The following HPS4 variants were observed in gnomAD, a reference collection of about 807,000 sequenced individuals.
HPS4 encodes the protein HPS4 biogenesis of lysosomal organelles complex 3 subunit 2.
In HPS4, 44 loss-of-function variants were observed where a neutral mutation model predicts 70.3. The observed-to-expected ratio is 0.63, with a 90% CI of 0.49 to 0.80. The LOEUF (loss-of-function observed/expected upper bound fraction) is 0.80. Among genes scored for constraint, HPS4 ranks in the 30% least tolerant of loss-of-function variants. The probability of loss-of-function intolerance (pLI) is 0.00; values close to 1 mark genes in which losing one functional copy is unlikely to be tolerated. For missense variants in HPS4, 873 were observed against 884.4 expected (o/e 0.99, Z 0.16); for synonymous variants, 377 against 355.9 (o/e 1.06, Z -0.67).
At chr22:26,473,104 A>G (rs2090067097) in intron 4 of HPS4, among the ~76,000 whole-genome samples, 165 bp from the exon 5 acceptor site, 1 of 152,200 alleles carries the variant, frequency 6.6e-6, no homozygotes, top group African/African-American at 2.4e-5. Context: ...GTTAATCTCC[A>G]TGGACAAGTA....
At chr22:26,472,108 A>G (rs868069052) in intron 6 of HPS4, among the ~76,000 whole-genome samples, 194 bp downstream of exon 6, 1 of 152,228 alleles carries the variant, frequency 6.6e-6, no homozygotes, top group African/African-American at 2.4e-5. Flanking sequence ...AAACAGTTCA[A>G]GAAGGCAGGT....
At chr22:26,467,740 G>A (rs2088941950) in intron 8 of HPS4, 1 of 152,150 alleles carries the variant, frequency 6.6e-6, no homozygotes, top group African/African-American at 2.4e-5. Context: ...AAAAGGACTG[G>A]AAGGAGATAT....
intron 2 of HPS4, 27 bp from the exon 3 acceptor site, chr22:26,479,382 G>A: frequency 6.2e-7 from 1 of 1,612,306 alleles, no homozygotes. Flanking sequence ...GTGGAGCCAT[G>A]TTTCCTTTAA....
intron 11 of HPS4, among the ~76,000 whole-genome samples, chr22:26,461,153 C>T (rs1428432190): frequency 6.6e-6 from 1 of 152,224 alleles, no homozygotes; most frequent in African/African-American, 2.4e-5. Flanking sequence ...TGTGACACAG[C>T]GTGCAGCAGG....
intron 13 of HPS4, among the ~76,000 whole-genome samples, chr22:26,455,495 C>G (rs537994554): frequency 6.8e-6 from 1 of 147,966 alleles, no homozygotes; most frequent in African/African-American, 2.5e-5. Flanking sequence ...AAAAACCAAA[C>G]ACCACATGTT....
At chr22:26,458,804 G>C (rs1265573335) in intron 11 of HPS4, among the ~76,000 whole-genome samples, 1 of 149,324 alleles carries the variant, frequency 6.7e-6, no homozygotes, top group Non-Finnish European at 1.5e-5. Flanking sequence ...CTGGGTGATA[G>C]AGTGAGACTC....
chr22:26,465,417 G>T, intron 10 of HPS4, 38 bp downstream of exon 10: 2 of 1,428,460 alleles, frequency 1.4e-6, no homozygotes, highest in Non-Finnish European at 2.0e-6. Flanking sequence ...GGGTCCCTCA[G>T]GTGTGGTGCA....
chr22:26,450,684 T>C (rs753376383), downstream of HPS4, among the ~76,000 whole-genome samples: 1 of 152,142 alleles, frequency 6.6e-6, no homozygotes, highest in Non-Finnish European at 1.5e-5. Flanking sequence ...GAATTATGGG[T>C]GTGGTTACTT....
chr22:26,456,056 G>T (rs973360337), intron 13 of HPS4, among the ~76,000 whole-genome samples: 1 of 152,204 alleles, frequency 6.6e-6, no homozygotes, highest in Non-Finnish European at 1.5e-5. Context: ...CTGACAGAAA[G>T]ATCTATTGGA....
At position 26,464,509 on chromosome 22, in the gene HPS4, A is replaced by G; in HGVS notation, c.1121T>C (p.Ile374Thr). The part of the protein sequence containing the change: ...QEELDLSEIH[I>T]PEAQEVEMAS... ...CATTTCCACTTCCTGAGCCTCTGGA[A>G]TGTGGATTTCAGACAAGTCGAGTTC... is the stretch of plus-strand genomic sequence containing the variant. The change falls in exon 11 of 14, where the codon ATT becomes ACT. Residue 374 changes from isoleucine (I) to threonine (T), a missense_variant. Physicochemically the swap from Ile to Thr is moderately conservative, Grantham distance 89. Coordinates refer to ENST00000398145, the MANE Select transcript of HPS4 (RefSeq NM_022081.6). The G allele has an allele frequency of 6.2e-7, 1 of 1,614,198 alleles. No homozygotes were observed. The highest frequency in any genetic ancestry group is 8.5e-7 in the Non-Finnish European group (1 of 1,180,030).
intron 3 of HPS4, among the ~76,000 whole-genome samples, chr22:26,477,719 C>T (rs1476460182): frequency 6.6e-6 from 1 of 152,146 alleles, no homozygotes; most frequent in Admixed American, 6.5e-5. Flanking sequence ...TTGAACCTCA[C>T]CAAGACTCTA....
At chr22:26,483,279 C>G (rs1436264830) in intron 1 of HPS4, among the ~76,000 whole-genome samples, 1 of 152,208 alleles carries the variant, frequency 6.6e-6, no homozygotes, top group Non-Finnish European at 1.5e-5. Flanking sequence ...CCGAGGTCCT[C>G]TCTTATCTCT....
rs761403871 is a variant in HPS4, at chr22:26,464,390, G to T, written c.1240C>A (p.Pro414Thr). Residue 414 changes from proline (P) to threonine (T), a missense_variant, in exon 11 of 14, where the codon CCC (proline) becomes ACC (threonine). Physicochemically the swap from Pro to Thr is conservative, Grantham distance 38. Transcript: ENST00000398145. ...ASLSASSSLEPTPPEDTAISS... is the reference protein window; with the variant it reads ...ASLSASSSLETTPPEDTAISS... ...ATGGCTGTGTCCTCAGGAGGCGTGGGTTCCAGGCTGCTGGAGGCGCTGAGA... is the reference window on the plus strand; with the variant it reads ...ATGGCTGTGTCCTCAGGAGGCGTGGTTTCCAGGCTGCTGGAGGCGCTGAGA... The T allele has an allele frequency of 6.2e-7, 1 of 1,614,200 alleles. No homozygotes were observed. Among genetic ancestry groups the T allele is most frequent in the Admixed American group, 1.7e-5 (1 of 60,020 alleles).
At chr22:26,480,326 C>T (rs1157156901) in intron 2 of HPS4, among the ~76,000 whole-genome samples, 1 of 152,134 alleles carries the variant, frequency 6.6e-6, no homozygotes, top group Non-Finnish European at 1.5e-5. Flanking sequence ...AGTGTGCCAT[C>T]ATGCTCGGCT....
In HPS4 at chr22:26,464,230, C is replaced by A; in HGVS notation, c.1400G>T (p.Arg467Met). Residue 467 changes from arginine (R) to methionine (M), a missense_variant, in exon 11 of 14, where the codon AGG becomes ATG. Transcript: ENST00000398145. ...RADPLPRRTR[R>M]PLLLPRLDPG... ...ATCTAAGCGAGGCAATAACAAGGGCCTGCGGGTCCTTCTGGGGAGAGGGTC... is the reference window on the plus strand; with the variant it reads ...ATCTAAGCGAGGCAATAACAAGGGCATGCGGGTCCTTCTGGGGAGAGGGTC... 6.2e-7 allele frequency: 1 copy of A among 1,614,212 alleles called. No individual in the cohort carries two copies. Among genetic ancestry groups the A allele is most frequent in the Non-Finnish European group, 8.5e-7 (1 of 1,180,042 alleles).
In HPS4 at chr22:26,466,236, C is replaced by T. The variant is rs3747132; in HGVS notation, c.696G>A (p.Pro232=). 3.1e-3 allele frequency: 5,069 copies of T among 1,614,168 alleles called. 162 individuals are homozygous for T. In the East Asian group the frequency reaches 0.079, roughly 25 times the overall value. Reference sequence around the variant, plus strand: ...CGCCTCACTACTTACCATGTTCCTGCGGGGCATCCTCTCCCGTAGGGAGTC... The same window carrying T: ...CGCCTCACTACTTACCATGTTCCTGTGGGGCATCCTCTCCCGTAGGGAGTC... ...EQRLPTGEDA[P]QEHGAALPPN... The change falls in exon 9 of 14, where the codon CCG becomes CCA. Residue 232 remains proline, a synonymous_variant. Transcript: ENST00000398145.
intron 4 of HPS4, 198 bp downstream of exon 4, chr22:26,476,793 AAT>A (rs776301763): frequency 2.5e-5 from 15 of 602,804 alleles, no homozygotes; most frequent in Non-Finnish European, 4.4e-5. Flanking sequence ...TGCAATGCAG[AAT>A]ATGTTAGAAA....
At chr22:26,471,260 G>A (rs2089757296) in intron 6 of HPS4, 1 of 423,664 alleles carries the variant, frequency 2.4e-6, no homozygotes, top group African/African-American at 2.0e-5. Context: ...GGTGATACAG[G>A]TGGCTTGATG....
At chr22:26,462,860 C>T (rs986195900) in intron 11 of HPS4, among the ~76,000 whole-genome samples, 3 of 152,176 alleles carry the variant, frequency 2.0e-5, no homozygotes, top group Non-Finnish European at 4.4e-5. Flanking sequence ...AGTGATCCAG[C>T]GTCTGTGGAA....
Sources: allele counts gnomAD v4.1 joint callset (sites outside exome capture counted in the v4.1 genomes callset), GRCh38; gene constraint gnomAD v4.1.1; transcripts MANE v1.5; gene names NCBI Gene and HGNC (gene_info 2026-07-23, HGNC 2026-07-21).